The following FREM1 variants were observed in gnomAD, a reference collection of about 807,000 sequenced individuals.
FREM1 encodes FRAS1 related extracellular matrix 1.
In FREM1, 220 loss-of-function variants were observed where a neutral mutation model predicts 210.1. That is an observed-to-expected ratio of 1.05 (90% CI 0.94 to 1.17). The LOEUF (loss-of-function observed/expected upper bound fraction) is 1.17. Among genes scored for constraint, FREM1 ranks in the 50% most tolerant of loss-of-function variants. The pLI is 0.00. For synonymous variants in FREM1, 1,189 were observed against 980.2 expected, an observed-to-expected ratio of 1.21 and a Z score of -3.98; for missense variants, 3,454 against 2,675.5, an observed-to-expected ratio of 1.29 and a Z score of -6.42.
At chr9:14,814,758 G>T (rs1232163677) in intron 15 of FREM1, among the ~76,000 whole-genome samples, 3 of 151,914 alleles carry the variant, frequency 2.0e-5, no homozygotes, top group African/African-American at 7.3e-5. Flanking sequence ...AAAGTCCAAA[G>T]GCAATAGAAT....
At chr9:14,781,222 T>A (rs1849597190) in intron 24 of FREM1, among the ~76,000 whole-genome samples, 1 of 152,122 alleles carries the variant, frequency 6.6e-6, no homozygotes, top group Admixed American at 6.5e-5. Context: ...CGCAAGGTGG[T>A]GTCATAAGGC....
chr9:14,892,425 T>C (rs919637456), intron 1 of FREM1, among the ~76,000 whole-genome samples: 1 of 152,018 alleles, frequency 6.6e-6, no homozygotes, highest in East Asian at 1.9e-4. Context: ...TAAAGGCCCC[T>C]CTTAATAAAA....
intron 16 of FREM1, among the ~76,000 whole-genome samples, chr9:14,808,482 G>C (rs1435910154): frequency 6.6e-6 from 1 of 152,108 alleles, no homozygotes; most frequent in East Asian, 1.9e-4. Context: ...TTCATGTTAT[G>C]ACCAACCTCA....
At chr9:14,908,573 G>A (rs1818197093) in intron 1 of FREM1, among the ~76,000 whole-genome samples, 1 of 152,134 alleles carries the variant, frequency 6.6e-6, no homozygotes, top group Admixed American at 6.5e-5. Context: ...GATGAGGTTG[G>A]TGGAAAACTG....
chr9:14,845,457 A>G (rs921570724), intron 8 of FREM1, among the ~76,000 whole-genome samples: 9 of 152,116 alleles, frequency 5.9e-5, no homozygotes, highest in Non-Finnish European at 1.3e-4. Flanking sequence ...GGCGCCCGCC[A>G]CCATGCCCGG....
At chr9:14,787,580 T>C (rs988283000) in intron 23 of FREM1, among the ~76,000 whole-genome samples, 1 of 152,108 alleles carries the variant, frequency 6.6e-6, no homozygotes, top group Non-Finnish European at 1.5e-5. Flanking sequence ...CCTTCACACC[T>C]AGTGCATGAC....
intron 15 of FREM1, among the ~76,000 whole-genome samples, chr9:14,813,945 C>T (rs1819847588): frequency 6.6e-6 from 1 of 152,136 alleles, no homozygotes; most frequent in Non-Finnish European, 1.5e-5. Context: ...CAGTGGCTTC[C>T]CATTGATTCT....
At chr9:14,905,798 G>A (rs1817588833) in intron 1 of FREM1, among the ~76,000 whole-genome samples, 1 of 152,154 alleles carries the variant, frequency 6.6e-6, no homozygotes, top group African/African-American at 2.4e-5. Context: ...GGCTGAGGCA[G>A]GAGAATGGCT....
Position 14,775,826 on chromosome 9 carries a change from C to A in FREM1, c.4820G>T (p.Gly1607Val). The change falls in exon 25 of 37, where the codon GGG (glycine) becomes GTG (valine). Residue 1607 changes from glycine to valine, a missense_variant. Coordinates refer to ENST00000380880, the MANE Select transcript of FREM1 (RefSeq NM_001379081.2). ...DGTNQGFIVN[G>V]RVWEEPVLFT... ...TAAAACAGGTTCTTCCCACACTCTC[C>A]CATTCACAATAAAGCCTTGGTTTGT... 1 of 1,613,632 alleles carries A rather than the reference C, an allele frequency of 6.2e-7. No homozygotes were observed.
chr9:14,851,659 T>C, intron 5 of FREM1, 52 bp from the exon 6 acceptor site: 36 of 1,180,148 alleles, frequency 3.1e-5, no homozygotes, highest in Middle Eastern at 1.9e-4. Context: ...AATGAGGTGA[T>C]ATCATACAGG....
At position 14,748,571 on chromosome 9, in the gene FREM1, G is replaced by C. The variant is rs769450932; in HGVS notation, c.5626C>G (p.Leu1876Val). ...HSTWEKGIWH[L>V]LPPGSSSSTT... ...GATGAGGAAGACCCTGGGGGCAGCA[G>C]ATGCCAAATGCCCTTCTCCCATGTG... The change falls in exon 31 of 37, where the codon CTG becomes GTG. Residue 1876 changes from leucine to valine, a missense_variant. Leu to Val is a conservative substitution (Grantham distance 32). Coordinates refer to ENST00000380880, the MANE Select transcript of FREM1 (RefSeq NM_001379081.2). 6 of 1,613,944 alleles carry C rather than the reference G, an allele frequency of 3.7e-6. No homozygotes were observed. Among genetic ancestry groups the C allele is most frequent in the Non-Finnish European group, 1.7e-6 (2 of 1,179,840 alleles).
At chr9:14,863,100 G>A (rs1211326342) in intron 3 of FREM1, among the ~76,000 whole-genome samples, 1 of 152,026 alleles carries the variant, frequency 6.6e-6, no homozygotes, top group African/African-American at 2.4e-5. Flanking sequence ...CCAGCACTTT[G>A]GGAGGCGGAG....
At chr9:14,802,368 T>C (rs977465771) in intron 19 of FREM1, among the ~76,000 whole-genome samples, 3 of 152,234 alleles carry the variant, frequency 2.0e-5, no homozygotes, top group Non-Finnish European at 4.4e-5. Flanking sequence ...GTTTTTATTT[T>C]TGTTATCGCA....
chr9:14,825,547 G>GTGTGTGTGTATATATATATACATATATA, intron 10 of FREM1, among the ~76,000 whole-genome samples: 32 of 75,932 alleles, frequency 4.2e-4, no homozygotes, highest in Admixed American at 3.0e-4. Flanking sequence ...GTGTGTGTGT[G>GTGTGTGTGTATATATATATACATATATA]TATATATATA....
chr9:14,832,186 G>T (rs1395763182), intron 10 of FREM1, among the ~76,000 whole-genome samples: 1 of 152,190 alleles, frequency 6.6e-6, no homozygotes, highest in African/African-American at 2.4e-5. Context: ...AATTAAAAAG[G>T]TAACTTTCAG....
intron 8 of FREM1, among the ~76,000 whole-genome samples, 185 bp downstream of exon 8, chr9:14,845,775 G>T (rs1826495215): frequency 6.6e-6 from 1 of 152,172 alleles, no homozygotes; most frequent in Admixed American, 6.5e-5. Flanking sequence ...TTCATAAATG[G>T]TTAGACATTG....
chr9:14,881,852 A>C (rs895398093), intron 1 of FREM1, among the ~76,000 whole-genome samples: 1 of 151,916 alleles, frequency 6.6e-6, no homozygotes, highest in African/African-American at 2.4e-5. Context: ...TCTCTGAGAA[A>C]CCTCCTTTAA....
chr9:14,801,132 G>C (rs1463055469), intron 20 of FREM1, among the ~76,000 whole-genome samples: 4 of 152,036 alleles, frequency 2.6e-5, no homozygotes, highest in African/African-American at 9.7e-5. Context: ...TGAGTAGCTG[G>C]GATTACAGAA....
chr9:14,874,090 A>T (rs1329900377), intron 1 of FREM1, among the ~76,000 whole-genome samples: 1 of 152,104 alleles, frequency 6.6e-6, no homozygotes, highest in African/African-American at 2.4e-5. Flanking sequence ...ACTTCCAACT[A>T]TGTGGTCAAT....
Sources: gnomAD v4.1 joint callset for allele counts (sites outside exome capture counted in the v4.1 genomes callset) on GRCh38, gnomAD v4.1.1 for gene constraint, MANE v1.5 for transcripts, NCBI Gene and HGNC (gene_info 2026-07-23, HGNC 2026-07-21) for gene names.